NBEA: variants seen among roughly 807,000 people sequenced by gnomAD.
NBEA encodes the protein lysosomal-trafficking regulator 2.
In NBEA, 44 loss-of-function variants were observed where a neutral mutation model predicts 343.4. The ratio of observed to expected loss-of-function variants is 0.13; its 90% confidence interval spans 0.10 to 0.16. The LOEUF is 0.16. Ranked by LOEUF, NBEA falls within the 10% of genes least tolerant of loss-of-function variation. The pLI is 1.00. For synonymous variants in NBEA, 1,175 were observed against 1,238.7 expected, an observed-to-expected ratio of 0.95 and a Z score of 1.08; for missense variants, 2,555 against 3,631.3, an observed-to-expected ratio of 0.70 and a Z score of 7.62.
chr13:35,256,643 C>T lies in NBEA; in HGVS notation c.5776+24024C>T, dbSNP rs566208365. Among the ~76,000 whole-genome samples the T allele has an allele frequency of 8.5e-5, 13 of 152,344 alleles. No homozygotes were observed. In the South Asian group the frequency reaches 2.5e-3, roughly 29 times the overall value. On this transcript the variant is annotated intron_variant, in intron 34 of 58. Transcript: ENST00000379939. ...CTCACGCTAAGCCATCCTCAGTACC[C>T]TCTCAGCCTCCCTCCTGTGCTCTTT...
intron 38 of NBEA, among the ~76,000 whole-genome samples, chr13:35,374,125 T>TA (rs2041606634): frequency 6.6e-6 from 1 of 152,218 alleles, no homozygotes; most frequent in African/African-American, 2.4e-5. Context: ...CTTTTGACTT[T>TA]AAATGAAAGA....
At chr13:35,581,684 G>A (rs9565385) in intron 45 of NBEA, among the ~76,000 whole-genome samples, 18,023 of 138,118 alleles carry the variant, frequency 0.13, 1,211 homozygotes, top group East Asian at 0.27. Context: ...ATTGAACAAT[G>A]AGAACACATG....
At chr13:34,985,965 G>A (rs1170101081) in intron 1 of NBEA, among the ~76,000 whole-genome samples, 1 of 149,954 alleles carries the variant, frequency 6.7e-6, no homozygotes, top group African/African-American at 2.4e-5. Context: ...TATCAATTTT[G>A]TTGATCTTTT....
At chr13:35,553,656 A>G (rs978668903) in intron 43 of NBEA, among the ~76,000 whole-genome samples, 5 of 152,168 alleles carry the variant, frequency 3.3e-5, no homozygotes, top group Non-Finnish European at 7.4e-5. Flanking sequence ...TATGTACAAG[A>G]CAATGCCTAT....
chr13:35,130,117 T>G (rs1161738867), intron 17 of NBEA, among the ~76,000 whole-genome samples: 1 of 152,130 alleles, frequency 6.6e-6, no homozygotes, highest in East Asian at 1.9e-4. Flanking sequence ...AATGTACCAC[T>G]CTGGTGAGGG....
At chr13:35,633,875 T>C (rs917602605) in intron 49 of NBEA, among the ~76,000 whole-genome samples, 1 of 152,154 alleles carries the variant, frequency 6.6e-6, no homozygotes, top group Non-Finnish European at 1.5e-5. Context: ...AGTTAATTTG[T>C]TTTTAATATT....
At chr13:35,481,605 A>G (rs541198021) in intron 41 of NBEA, among the ~76,000 whole-genome samples, 5 of 151,974 alleles carry the variant, frequency 3.3e-5, no homozygotes, top group East Asian at 3.9e-4. Flanking sequence ...ATGGATTCCA[A>G]TAGTCTAATT....
intron 34 of NBEA, among the ~76,000 whole-genome samples, chr13:35,245,006 G>A (rs1409984501): frequency 2.0e-5 from 3 of 151,990 alleles, no homozygotes; most frequent in Admixed American, 2.0e-4. Flanking sequence ...TTTTGGAGGA[G>A]TCTTTAGGTT....
chr13:35,583,828 G>A lies in NBEA; in HGVS notation c.7036-70G>A, dbSNP rs537665107. 6 of 1,129,792 alleles carry A rather than the reference G, an allele frequency of 5.3e-6. No homozygotes were observed. In the South Asian group the frequency reaches 8.9e-5, roughly 17 times the overall value. 70.0% of individuals were successfully genotyped at this position (1,129,792 alleles called of 1,614,324 possible). On this transcript the variant is annotated intron_variant, in intron 45 of 58. Coordinates refer to ENST00000379939, the MANE Select transcript of NBEA (RefSeq NM_001385012.1). ...ATGAATTAACAGTGAAATACTGAAA[G>A]TATAAAGATTTATTATCTAGGATAT...
At chr13:35,117,629 T>G (rs1413274724) in intron 14 of NBEA, 136 bp downstream of exon 14, 1 of 340,710 alleles carries the variant, frequency 2.9e-6, no homozygotes, top group African/African-American at 2.2e-5. Context: ...CATCTTAGTA[T>G]TCACTTTTAT....
Position 35,645,899 on chromosome 13 carries a change from C to A in NBEA, c.7648C>A (p.His2550Asn). The A allele has an allele frequency of 6.3e-7, 1 of 1,578,374 alleles. No homozygotes were observed. Among genetic ancestry groups the A allele is most frequent in the Non-Finnish European group, 8.6e-7 (1 of 1,158,480 alleles). The change falls in exon 50 of 59, where the codon CAC becomes AAC. Residue 2550 changes from histidine (H) to asparagine (N), a missense_variant. Physicochemically the swap from His to Asn is moderately conservative, Grantham distance 68 (BLOSUM62 1). Transcript: ENST00000379939. ...AGAAGCTTATTTCATTAGAGACCCCCACACTTTCCTTCTTACAAAGGACTT... is the reference window on the plus strand; with the variant it reads ...AGAAGCTTATTTCATTAGAGACCCCAACACTTTCCTTCTTACAAAGGACTT... ...IPEAYFIRDP[H>N]TFLLTKDFIK...
At chr13:35,259,164 C>T (rs2032968627) in intron 34 of NBEA, among the ~76,000 whole-genome samples, 1 of 152,120 alleles carries the variant, frequency 6.6e-6, no homozygotes, top group Admixed American at 6.5e-5. Context: ...TGTTTATTAT[C>T]TGGTGTCCTG....
Position 35,070,859 on chromosome 13 carries a change from T to A in NBEA, c.1571+7T>A. 6.2e-7 allele frequency: 1 copy of A among 1,609,576 alleles called. No individual in the cohort carries two copies. The highest frequency in any genetic ancestry group is 8.5e-7 in the Non-Finnish European group (1 of 1,178,260). On this transcript the variant is annotated splice_region_variant and intron_variant, in intron 10 of 58. Transcript: ENST00000379939. ...AAGTGGAAACAACTGTCTGGTAAGT[T>A]TTCTTTGCATGTACAATTGCTGGTA... is the stretch of plus-strand genomic sequence containing the variant.
intron 49 of NBEA, among the ~76,000 whole-genome samples, chr13:35,639,521 T>A (rs1031160377): frequency 2.0e-5 from 3 of 152,164 alleles, no homozygotes; most frequent in Admixed American, 1.3e-4. Flanking sequence ...AAAGATGATA[T>A]CAATCACATG....
intron 1 of NBEA, among the ~76,000 whole-genome samples, chr13:34,997,770 GGCA>G (rs2060988280): frequency 6.6e-6 from 1 of 152,078 alleles, no homozygotes; most frequent in South Asian, 2.1e-4. Flanking sequence ...TGTAATTTCA[GGCA>G]GCATGTCCAA....
At chr13:35,223,232 A>G (rs1025758189) in intron 33 of NBEA, among the ~76,000 whole-genome samples, 1 of 152,206 alleles carries the variant, frequency 6.6e-6, no homozygotes, top group Non-Finnish European at 1.5e-5. Flanking sequence ...AGATTTATTT[A>G]TCTTTTCTAG....
intron 1 of NBEA, among the ~76,000 whole-genome samples, chr13:34,978,568 A>T (rs1255603764): frequency 1.3e-5 from 2 of 152,156 alleles, no homozygotes; most frequent in Non-Finnish European, 2.9e-5. Context: ...CCAAACCTAG[A>T]ACATTATAGT....
chr13:35,475,410 C>G lies in NBEA; in HGVS notation c.6585+2874C>G, dbSNP rs769789761. ...AGAGGCACTTCTTTCTGCAGCCCCCCATCTGCAGTCTGTTCTCTGCCTCCG... is the reference window on the plus strand; with the variant it reads ...AGAGGCACTTCTTTCTGCAGCCCCCGATCTGCAGTCTGTTCTCTGCCTCCG... On this transcript the variant is annotated intron_variant, in intron 41 of 58. Transcript: ENST00000379939. 5 of 1,613,728 alleles carry G rather than the reference C, an allele frequency of 3.1e-6. No homozygotes were observed. The East Asian group carries it at 6.7e-5, about 22-fold the overall frequency.
At chr13:35,031,301 A>G (rs1046171601) in intron 1 of NBEA, among the ~76,000 whole-genome samples, 14 of 151,684 alleles carry the variant, frequency 9.2e-5, no homozygotes, top group Admixed American at 7.9e-4. Context: ...TTGGGCTCAT[A>G]ATAATGAACA....
Sources: gnomAD v4.1 joint callset for allele counts (sites outside exome capture counted in the v4.1 genomes callset) on GRCh38, gnomAD v4.1.1 for gene constraint, MANE v1.5 for transcripts, NCBI Gene and HGNC (gene_info 2026-07-23, HGNC 2026-07-21) for gene names.